UCHL5: variants seen among roughly 807,000 people sequenced by gnomAD.
UCHL5 encodes ubiquitin C-terminal hydrolase L5, also known as ubiquitin carboxyl-terminal hydrolase isozyme L5.
UCHL5 carries 34 observed loss-of-function variants against 53.8 expected under a neutral mutation model. The ratio of observed to expected loss-of-function variants is 0.63; its 90% confidence interval spans 0.48 to 0.84. The LOEUF (loss-of-function observed/expected upper bound fraction) is 0.84. Among genes scored for constraint, UCHL5 ranks in the 40% least tolerant of loss-of-function variants. UCHL5 has a pLI of 0.00. For synonymous variants in UCHL5, 111 were observed against 126.3 expected (o/e 0.88, Z 0.81); for missense variants, 290 against 385.6 (o/e 0.75, Z 2.08).
At chr1:193,048,566 T>C (rs1200297603) in intron 3 of UCHL5, among the ~76,000 whole-genome samples, 2 of 152,244 alleles carry the variant, frequency 1.3e-5, no homozygotes, top group East Asian at 3.8e-4. Flanking sequence ...TTTTAAAGCG[T>C]TGACATACTG....
intron 10 of UCHL5, chr1:193,020,515 A>T: frequency 4.2e-6 from 6 of 1,419,440 alleles, no homozygotes; most frequent in Non-Finnish European, 5.6e-6. Context: ...TCACTTTCAG[A>T]AACACTGATT....
At chr1:193,023,695 G>T in intron 8 of UCHL5, 149 bp downstream of exon 8, 1 of 620,346 alleles carries the variant, frequency 1.6e-6, no homozygotes. Flanking sequence ...TAAGTGCAAA[G>T]CCAGGAACCG....
chr1:193,017,412 T>G (rs1193234154), intron 10 of UCHL5, among the ~76,000 whole-genome samples: 1 of 151,746 alleles, frequency 6.6e-6, no homozygotes. Flanking sequence ...AAAACAGTGC[T>G]GTGCCTTAGA....
intron 7 of UCHL5, among the ~76,000 whole-genome samples, chr1:193,027,297 T>G (rs933312183): frequency 3.3e-5 from 5 of 152,086 alleles, no homozygotes; most frequent in Non-Finnish European, 7.4e-5. Context: ...TTATCTGAAA[T>G]TGAATATACA....
At position 193,059,092 on chromosome 1, in the gene UCHL5, C is replaced by T. The variant is rs1671892921; in HGVS notation, c.76+93G>A. The T allele has an allele frequency of 3.7e-6, 5 of 1,342,848 alleles. No individual in the cohort carries two copies. Among genetic ancestry groups the T allele is most frequent in the East Asian group, 2.6e-5 (1 of 38,590 alleles). 83.2% of individuals were successfully genotyped at this position (1,342,848 alleles called of 1,614,324 possible). On this transcript the variant is annotated intron_variant, in intron 1 of 10. Coordinates refer to ENST00000367454, the MANE Select transcript of UCHL5 (RefSeq NM_001199261.3). This position sits in a 1 kb window ranked among gnomAD's most constrained non-coding sequence, Gnocchi z 4.9. The stretch of plus-strand genomic sequence containing the variant: ...AGGTTCCTGAAGTCACCTCTCCAGA[C>T]GCGGGGCGGCGGTGGCCGCAGGGAA...
chr1:193,058,299 A>C (rs1024713838), intron 1 of UCHL5, among the ~76,000 whole-genome samples: 3 of 152,224 alleles, frequency 2.0e-5, no homozygotes, highest in African/African-American at 7.2e-5. Flanking sequence ...CATATGCTTG[A>C]TAAATGACAT....
chr1:193,027,121 A>G (rs1035754311), intron 7 of UCHL5, among the ~76,000 whole-genome samples: 1 of 152,176 alleles, frequency 6.6e-6, no homozygotes, highest in South Asian at 2.1e-4. Flanking sequence ...AAAAAGAACA[A>G]TACAAGGGAT....
intron 2 of UCHL5, 42 bp downstream of exon 2, chr1:193,051,712 G>GTATA: frequency 1.1e-5 from 13 of 1,195,700 alleles, no homozygotes; most frequent in South Asian, 1.5e-5. Context: ...GTTTGTTAAA[G>GTATA]TATATATATA....
intron 10 of UCHL5, chr1:193,018,467 A>T (rs879289853): frequency 2.5e-5 from 22 of 884,678 alleles, no homozygotes; most frequent in Non-Finnish European, 2.9e-5. Context: ...ATAATACAAG[A>T]AGTTTTATAA....
Position 193,059,102 on chromosome 1 carries a change from C to A in UCHL5, c.76+83G>T, listed in dbSNP as rs1671901859. The A allele has an allele frequency of 1.4e-6, 2 of 1,385,372 alleles. No homozygotes were observed. The highest frequency in any genetic ancestry group is 1.5e-5 in the African/African-American group (1 of 68,294). 85.8% of individuals were successfully genotyped at this position (1,385,372 alleles called of 1,614,324 possible). On this transcript the variant is annotated intron_variant, in intron 1 of 10. Coordinates refer to ENST00000367454, the MANE Select transcript of UCHL5 (RefSeq NM_001199261.3). This position sits in a 1 kb window ranked among gnomAD's most constrained non-coding sequence, Gnocchi z 4.9. ...AGTCACCTCTCCAGACGCGGGGCGG[C>A]GGTGGCCGCAGGGAACCACTCCATG... is the stretch of plus-strand genomic sequence containing the variant.
chr1:193,034,884 A>C (rs1162533611), intron 3 of UCHL5, among the ~76,000 whole-genome samples: 1 of 152,062 alleles, frequency 6.6e-6, no homozygotes, highest in Non-Finnish European at 1.5e-5. Context: ...ATTTGAAAAA[A>C]TTTAATATAC....
upstream of UCHL5, chr1:193,059,772 T>A (rs1450962088): frequency 7.4e-7 from 1 of 1,356,380 alleles, no homozygotes; most frequent in Non-Finnish European, 9.8e-7. This position sits in a 1 kb window ranked among gnomAD's most constrained non-coding sequence, Gnocchi z 4.9. Context: ...GGCTGCCAGG[T>A]ACAGGTGAGG....
At chr1:193,059,622 G>C, upstream of UCHL5, 1 of 1,413,026 alleles carries the variant, frequency 7.1e-7, no homozygotes, top group Non-Finnish European at 9.5e-7. This position sits in a 1 kb window ranked among gnomAD's most constrained non-coding sequence, Gnocchi z 4.9. Flanking sequence ...ACTCGTTCCC[G>C]GGAACCGAAC....
chr1:193,018,699 G>C, intron 10 of UCHL5: 2 of 1,348,314 alleles, frequency 1.5e-6, no homozygotes, highest in Non-Finnish European at 1.9e-6. Context: ...AACTGCCTCA[G>C]CTATTCAAAA....
intron 10 of UCHL5, 91 bp downstream of exon 10, chr1:193,021,006 T>C (rs1656803354): frequency 1.1e-6 from 1 of 914,222 alleles, no homozygotes; most frequent in African/African-American, 1.7e-5. Context: ...TTCCAAAAAT[T>C]TTACCTCTAT....
rs1012339303 is a variant in UCHL5 at position 193,018,764 on chromosome 1, T to G, written c.942+2333A>C. Reference sequence around the variant, plus strand: ...TAGCACTGCATGGTGCAGCCATATCTTTCCTGTTTGTTTCCTTCTATTCCT... The same window carrying G: ...TAGCACTGCATGGTGCAGCCATATCGTTCCTGTTTGTTTCCTTCTATTCCT... On this transcript the variant is annotated intron_variant, in intron 10 of 10. Transcript: ENST00000367454. 12 of 1,534,238 alleles carry G rather than the reference T, an allele frequency of 7.8e-6. No individual in the cohort carries two copies. In the Middle Eastern group the frequency reaches 6.8e-4, roughly 86 times the overall value.
At chr1:193,049,625 A>G in intron 3 of UCHL5, 121 bp downstream of exon 3, 1 of 631,880 alleles carries the variant, frequency 1.6e-6, no homozygotes. Context: ...GGAGATGTCA[A>G]TAATTTTTAA....
chr1:193,044,086 A>G lies in UCHL5; in HGVS notation c.246+5660T>C, dbSNP rs141040918. ...CAGAGGTGAAGGTGGTCTTGGTCGA[A>G]CTCTACAGTTGGTGTTCAAAGTGAG... On this transcript the variant is annotated intron_variant, in intron 3 of 10. Coordinates refer to ENST00000367454, the MANE Select transcript of UCHL5 (RefSeq NM_001199261.3). Among the ~76,000 whole-genome samples, 1,040 of 152,254 alleles carry G rather than the reference A, an allele frequency of 6.8e-3. 15 individuals carry two copies. The highest frequency in any genetic ancestry group is 0.024 in the African/African-American group (989 of 41,544).
At chr1:193,020,950 G>C in intron 10 of UCHL5, 147 bp downstream of exon 10, 1 of 602,900 alleles carries the variant, frequency 1.7e-6, no homozygotes, top group Non-Finnish European at 2.9e-6. Flanking sequence ...AATTCTTACA[G>C]AGTAGAAAAC....
Sources: allele counts gnomAD v4.1 joint callset (sites outside exome capture counted in the v4.1 genomes callset), GRCh38; gene constraint gnomAD v4.1.1; non-coding constraint Gnocchi (gnomAD v3.1); transcripts MANE v1.5; gene names NCBI Gene and HGNC (gene_info 2026-07-23, HGNC 2026-07-21).